The following AFF4 variants were observed in gnomAD, a reference collection of about 807,000 sequenced individuals.
The protein encoded by AFF4 is AF4/FMR2 family member 4.
A neutral mutation model predicts 124.8 loss-of-function variants in AFF4; 13 were observed. That is an observed-to-expected ratio of 0.10 (90% CI 0.07 to 0.17). The LOEUF (loss-of-function observed/expected upper bound fraction) is 0.17. Ranked by LOEUF, AFF4 falls within the 10% of genes least tolerant of loss-of-function variation. The pLI is 1.00. For missense variants in AFF4, 1,092 were observed against 1,403.8 expected (o/e 0.78, Z 3.55); for synonymous variants, 477 against 496.1 (o/e 0.96, Z 0.51).
rs1759938544 is a variant in AFF4 at position 132,880,176 on chromosome 5, G to C, written c.*883C>G. The stretch of plus-strand genomic sequence containing the variant: ...CAGTAACTTATTCTGTTTCGATTAA[G>C]TGTCAAATGATTAGCAACAAAAAAT... On this transcript the variant is annotated 3_prime_UTR_variant, in exon 21 of 21. Coordinates refer to ENST00000265343, the MANE Select transcript of AFF4 (RefSeq NM_014423.4). 2.5e-6 allele frequency: 1 copy of C among 398,730 alleles called. No homozygotes were observed. 24.7% of individuals were successfully genotyped at this position (398,730 alleles called of 1,614,324 possible).
intron 5 of AFF4, among the ~76,000 whole-genome samples, chr5:132,907,611 T>G (rs1294734384): frequency 6.6e-6 from 1 of 152,170 alleles, no homozygotes; most frequent in Non-Finnish European, 1.5e-5. Context: ...TGTGCTTGTA[T>G]GCATGTGTGC....
At chr5:132,954,842 C>T (rs114945389) in intron 1 of AFF4, among the ~76,000 whole-genome samples, 5,289 of 152,218 alleles carry the variant, frequency 0.035, 293 homozygotes, top group African/African-American at 0.12. Flanking sequence ...CCACCGCGCC[C>T]GGCCTAGACA....
At chr5:132,963,206 C>G (rs1762121546) in intron 1 of AFF4, 53 bp downstream of exon 1, 3 of 388,546 alleles carry the variant, frequency 7.7e-6, no homozygotes, top group Admixed American at 4.5e-5. Context: ...CGGCCCCGGC[C>G]ACAACCCCCG....
At chr5:132,931,074 T>A (rs1246254767) in intron 4 of AFF4, among the ~76,000 whole-genome samples, 1 of 139,020 alleles carries the variant, frequency 7.2e-6, no homozygotes, top group Non-Finnish European at 1.5e-5. Flanking sequence ...GCCACTGCAC[T>A]CCAACCTGGG....
At chr5:132,894,818 G>A (rs570210625) in intron 11 of AFF4, among the ~76,000 whole-genome samples, 2 of 152,068 alleles carry the variant, frequency 1.3e-5, no homozygotes, top group Non-Finnish European at 2.9e-5. Flanking sequence ...GCCAGGTGTG[G>A]GGTCGCATGC....
rs776703643 is a variant in AFF4, at chr5:132,902,448, G to A, written c.1127C>T (p.Ser376Phe). The A allele has an allele frequency of 6.2e-7, 1 of 1,607,694 alleles. No homozygotes were observed. Among genetic ancestry groups the A allele is most frequent in the Admixed American group, 1.7e-5 (1 of 59,990 alleles). The change falls in exon 7 of 21, where the codon TCT (serine) becomes TTT (phenylalanine). Residue 376 changes from serine (S) to phenylalanine (F), a missense_variant. Ser to Phe is a radical substitution (Grantham distance 155). Around this residue, in one of 11 missense-constraint regions of AFF4, gnomAD observed 148 missense variants for 196.3 expected, o/e 0.75. Coordinates refer to ENST00000265343, the MANE Select transcript of AFF4 (RefSeq NM_014423.4). ...CATTAAGCAATAAACTTACGATTTA[G>A]ACTGGTGCCCATTTGAAGTTTTAGA... ...NPSKTSNGHQSKSMLKDDLKL... is the reference protein window; with the variant it reads ...NPSKTSNGHQFKSMLKDDLKL...
At chr5:132,900,550 A>G (rs1760526315) in intron 7 of AFF4, among the ~76,000 whole-genome samples, 1 of 152,082 alleles carries the variant, frequency 6.6e-6, no homozygotes, top group African/African-American at 2.4e-5. Flanking sequence ...ACAGAGCGAG[A>G]CTCTGTCTCA....
At chr5:132,909,088 G>A (rs1258763061) in intron 5 of AFF4, among the ~76,000 whole-genome samples, 2 of 151,266 alleles carry the variant, frequency 1.3e-5, no homozygotes, top group Non-Finnish European at 2.9e-5. Context: ...TATCTTTTAG[G>A]GAAGCGGTTA....
At chr5:132,919,799 A>G (rs969083704) in intron 5 of AFF4, among the ~76,000 whole-genome samples, 3 of 151,712 alleles carry the variant, frequency 2.0e-5, no homozygotes, top group Non-Finnish European at 4.4e-5. Flanking sequence ...GCAGTGAGCC[A>G]AGATCACACC....
In AFF4 at chr5:132,955,850, T is replaced by C. The variant is rs142041834; in HGVS notation, c.-5+7409A>G. Among the ~76,000 whole-genome samples the C allele has an allele frequency of 3.3e-3, 480 of 146,148 alleles. 1 individual carries two copies. Among genetic ancestry groups the C allele is most frequent in the African/African-American group, 0.012 (466 of 40,012 alleles). On this transcript the variant is annotated intron_variant, in intron 1 of 20. Coordinates refer to ENST00000265343, the MANE Select transcript of AFF4 (RefSeq NM_014423.4). Reference sequence around the variant, plus strand: ...CACAAAATATATACATATACATGTATTACATAGATTATATAGTATATAATA... The same window carrying C: ...CACAAAATATATACATATACATGTACTACATAGATTATATAGTATATAATA...
At chr5:132,899,026 G>A in intron 9 of AFF4, 78 bp downstream of exon 9, 1 of 1,250,028 alleles carries the variant, frequency 8.0e-7, no homozygotes, top group Non-Finnish European at 1.1e-6. Context: ...TACTTATAAG[G>A]CCACTTATTA....
At position 132,889,106 on chromosome 5, in the gene AFF4, C is replaced by T. The variant is rs758910679; in HGVS notation, c.2705G>A (p.Arg902Gln). The T allele has an allele frequency of 2.5e-6, 4 of 1,613,710 alleles. No individual in the cohort carries two copies. In the African/African-American group the frequency reaches 4.0e-5, roughly 16 times the overall value. Reference sequence around the variant, plus strand: ...GTCATCAAAGACAAGCTTTGTTCTCCGAGGCTTAGAAGAATCAAGAGTTGG... The same window carrying T: ...GTCATCAAAGACAAGCTTTGTTCTCTGAGGCTTAGAAGAATCAAGAGTTGG... The part of the protein sequence containing the change: ...SAPTLDSSKP[R>Q]RTKLVFDDRN... The change falls in exon 14 of 21, where the codon CGG (arginine) becomes CAG (glutamine). Residue 902 changes from arginine (R) to glutamine (Q), a missense_variant. By Grantham distance (43) the Arg-to-Gln change is conservative. Transcript: ENST00000265343.
chr5:132,896,186 C>T, intron 11 of AFF4, 137 bp downstream of exon 11: 2 of 989,976 alleles, frequency 2.0e-6, no homozygotes, highest in South Asian at 1.7e-5. Context: ...CACATGTAGC[C>T]TCGCCTGGGC....
In AFF4 at chr5:132,877,079, G is replaced by C. The variant is rs1759856096; in HGVS notation, c.*3980C>G. On this transcript the variant is annotated 3_prime_UTR_variant, in exon 21 of 21. Coordinates refer to ENST00000265343, the MANE Select transcript of AFF4 (RefSeq NM_014423.4). ...GTTCCATGTATTAGGGGATATACAG[G>C]TATGATAGGTGTCTATATGGGTTTG... The C allele has an allele frequency of 9.8e-6, 2 of 203,498 alleles. No individual in the cohort carries two copies. The highest frequency in any genetic ancestry group is 1.5e-4 in the East Asian group (2 of 13,220). The allele number at this position is 203,498 out of a possible 1,614,324, so 12.6% of individuals were successfully genotyped here.
At chr5:132,913,292 C>T (rs1157876302) in intron 5 of AFF4, among the ~76,000 whole-genome samples, 1 of 152,014 alleles carries the variant, frequency 6.6e-6, no homozygotes, top group African/African-American at 2.4e-5. Context: ...CATGAAGAAA[C>T]AAAGCAAGAA....
At position 132,952,992 on chromosome 5, in the gene AFF4, C is replaced by G. The variant is rs189563349; in HGVS notation, c.-5+10267G>C. ...CTTTCTCTTCTGAAATACAAAACCA[C>G]ACATCCAGGAACCTGTTTGACAATG... On this transcript the variant is annotated intron_variant, in intron 1 of 20. Transcript: ENST00000265343. Among the ~76,000 whole-genome samples, 251 of 152,214 alleles carry G rather than the reference C, an allele frequency of 1.6e-3. 1 individual carries two copies. Among genetic ancestry groups the G allele is most frequent in the African/African-American group, 5.6e-3 (231 of 41,534 alleles).
At chr5:132,888,061 A>G (rs1213231664) in intron 15 of AFF4, 36 bp downstream of exon 15, 3 of 1,606,228 alleles carry the variant, frequency 1.9e-6, no homozygotes, top group Non-Finnish European at 2.6e-6. Context: ...AGTTAATTTG[A>G]TTAAATACGT....
chr5:132,893,620 C>T (rs532551974), intron 11 of AFF4, among the ~76,000 whole-genome samples: 3 of 152,140 alleles, frequency 2.0e-5, no homozygotes, highest in South Asian at 2.1e-4. Flanking sequence ...CAGGTTCAAG[C>T]GATTCTCCTG....
At chr5:132,887,672 T>C (rs1372274638) in intron 16 of AFF4, 80 bp from the exon 17 acceptor site, 16 of 1,530,516 alleles carry the variant, frequency 1.0e-5, no homozygotes, top group Non-Finnish European at 1.3e-5. Flanking sequence ...CTCAAAACAT[T>C]AGAATTTCAA....
Sources: allele counts gnomAD v4.1 joint callset (sites outside exome capture counted in the v4.1 genomes callset), GRCh38; gene constraint gnomAD v4.1.1; regional missense constraint gnomAD v4.1.1; transcripts MANE v1.5; gene names NCBI Gene and HGNC (gene_info 2026-07-23, HGNC 2026-07-21).